Variants in DSTYK observed in about 807,000 individuals in gnomAD.
DSTYK encodes the protein dual serine/threonine and tyrosine protein kinase, also known as RIP-homologous kinase.
In DSTYK, 34 loss-of-function variants were observed where a neutral mutation model predicts 98.7. That is an observed-to-expected ratio of 0.34 (90% CI 0.26 to 0.46). DSTYK has a LOEUF of 0.46. Ranked by LOEUF, DSTYK falls within the 20% of genes least tolerant of loss-of-function variation. The pLI, the probability that DSTYK is intolerant of heterozygous loss-of-function variation, is 1.00. For missense variants in DSTYK, 962 were observed against 1,181.7 expected (o/e 0.81, Z 2.73); for synonymous variants, 462 against 457.3 (o/e 1.01, Z -0.13).
At chr1:205,179,060 T>G (rs1244982597) in intron 2 of DSTYK, among the ~76,000 whole-genome samples, 1 of 151,412 alleles carries the variant, frequency 6.6e-6, no homozygotes, top group African/African-American at 2.4e-5. Flanking sequence ...GCCTGGGAGG[T>G]TGAGGCTGCA....
At chr1:205,176,523 A>C (rs1279844292) in intron 2 of DSTYK, among the ~76,000 whole-genome samples, 1 of 150,118 alleles carries the variant, frequency 6.7e-6, no homozygotes, top group Admixed American at 6.6e-5. Context: ...ATGCAATAGA[A>C]AGGAGCTTGC....
chr1:205,194,813 A>G (rs1043605921), intron 1 of DSTYK, among the ~76,000 whole-genome samples: 1 of 108,486 alleles, frequency 9.2e-6, no homozygotes, highest in Admixed American at 9.9e-5. Flanking sequence ...CCTGTGCCTC[A>G]GCCTCCCAAG....
At position 205,187,719 on chromosome 1, in the gene DSTYK, C is replaced by A; in HGVS notation, c.353G>T (p.Gly118Val). 6.2e-7 allele frequency: 1 copy of A among 1,614,182 alleles called. No individual in the cohort carries two copies. The change falls in exon 2 of 13, where the codon GGC (glycine) becomes GTC (valine). Residue 118 changes from glycine (G) to valine (V), a missense_variant. Transcript: ENST00000367162. ...VDCLPCILIL[G>V]QDCNVKCQLL... The stretch of plus-strand genomic sequence containing the variant: ...CTGGCACTTGACGTTACAATCCTGG[C>A]CGAGGATCAGTATGCAAGGGAGGCA...
intron 3 of DSTYK, among the ~76,000 whole-genome samples, chr1:205,164,401 C>T (rs1377970452): frequency 4.7e-5 from 7 of 149,788 alleles, no homozygotes; most frequent in Admixed American, 3.3e-4. Context: ...AGTGAGACCC[C>T]GTCTCAAAAA....
chr1:205,156,944 G>A (rs978859788), intron 10 of DSTYK, among the ~76,000 whole-genome samples: 7 of 152,146 alleles, frequency 4.6e-5, no homozygotes, highest in African/African-American at 1.7e-4. Flanking sequence ...GTTCTAATGA[G>A]ATCTGATGGT....
chr1:205,155,796 A>C (rs1657541350), intron 10 of DSTYK, among the ~76,000 whole-genome samples: 3 of 152,242 alleles, frequency 2.0e-5, no homozygotes. Context: ...AAATTTCTCC[A>C]GGGCATGTCA....
chr1:205,178,594 G>C (rs1158505755), intron 2 of DSTYK, among the ~76,000 whole-genome samples: 1 of 152,178 alleles, frequency 6.6e-6, no homozygotes, highest in Non-Finnish European at 1.5e-5. Flanking sequence ...GAATTATGAA[G>C]AACGTTCTCT....
At chr1:205,205,454 A>T (rs958279887) in intron 1 of DSTYK, among the ~76,000 whole-genome samples, 49 of 150,716 alleles carry the variant, frequency 3.3e-4, no homozygotes, top group African/African-American at 6.8e-4. Context: ...TATTATTATT[A>T]TTTTTTTTTG....
chr1:205,159,446 T>A, intron 9 of DSTYK, 101 bp downstream of exon 9: 1 of 1,344,070 alleles, frequency 7.4e-7, no homozygotes, highest in Non-Finnish European at 1.0e-6. Context: ...ACTCCAACAA[T>A]CTCTGATGAA....
At chr1:205,195,690 TTATTC>T (rs900657012) in intron 1 of DSTYK, among the ~76,000 whole-genome samples, 1 of 152,208 alleles carries the variant, frequency 6.6e-6, no homozygotes, top group Non-Finnish European at 1.5e-5. Flanking sequence ...CTCTCTAAAG[TTATTC>T]TATGTCAGGA....
At position 205,159,592 on chromosome 1, in the gene DSTYK, G is replaced by T; in HGVS notation, c.2193C>A (p.Leu731=). 6.2e-7 allele frequency: 1 copy of T among 1,612,888 alleles called. No individual in the cohort carries two copies. The highest frequency in any genetic ancestry group is 1.3e-5 in the African/African-American group (1 of 74,782). Residue 731 remains leucine, a synonymous_variant, in exon 9 of 13, where the codon CTC becomes CTA. Transcript: ENST00000367162. The part of the protein sequence containing the change: ...NYGGGSSIAV[L]LIMERLHRDL... ...CCCGGTGTAGCCGCTCCATAATGAG[G>T]AGCACAGCAATGCTGGAGCCACCAC...
chr1:205,183,067 G>GA (rs3076771), intron 2 of DSTYK, among the ~76,000 whole-genome samples: 39,994 of 141,998 alleles, frequency 0.28, 6,020 homozygotes, highest in East Asian at 0.41. Flanking sequence ...GTGTTCACAG[G>GA]AAAAAAAAAA....
intron 2 of DSTYK, among the ~76,000 whole-genome samples, chr1:205,175,328 G>A (rs1658197685): frequency 2.0e-5 from 3 of 151,832 alleles, no homozygotes; most frequent in South Asian, 2.1e-4. Context: ...TCCTGACCTC[G>A]TGATCCGCCT....
chr1:205,204,616 C>T (rs1157761694), intron 1 of DSTYK, among the ~76,000 whole-genome samples: 3 of 152,234 alleles, frequency 2.0e-5, no homozygotes, highest in Admixed American at 6.5e-5. Context: ...ATATAATTCA[C>T]CCCTTTTAAG....
intron 1 of DSTYK, among the ~76,000 whole-genome samples, chr1:205,197,833 C>A (rs921313307): frequency 3.9e-5 from 6 of 152,174 alleles, no homozygotes; most frequent in African/African-American, 1.2e-4. Context: ...GCAGTATAGA[C>A]CAACATGATG....
At position 205,169,136 on chromosome 1, in the gene DSTYK, C is replaced by G. The variant is rs369133816; in HGVS notation, c.1324+27G>C. Reference sequence around the variant, plus strand: ...TGGTTAGAGACTCCTCCCGTGCCAGCACCCCAACAAGCTCTCTGGGACCTA... The same window carrying G: ...TGGTTAGAGACTCCTCCCGTGCCAGGACCCCAACAAGCTCTCTGGGACCTA... On this transcript the variant is annotated intron_variant, in intron 3 of 12. Coordinates refer to ENST00000367162, the MANE Select transcript of DSTYK (RefSeq NM_015375.3). The surrounding 1 kb of genome is among the most constrained non-coding windows in gnomAD (Gnocchi z 4.0). 51 of 1,541,724 alleles carry G rather than the reference C, an allele frequency of 3.3e-5. No individual in the cohort carries two copies. The highest frequency in any genetic ancestry group is 4.4e-6 in the Non-Finnish European group (5 of 1,143,614).
chr1:205,166,240 ACT>A lies in DSTYK; in HGVS notation c.1325-2287_1325-2286del, dbSNP rs139817913. On this transcript the variant is annotated intron_variant, in intron 3 of 12. Coordinates refer to ENST00000367162, the MANE Select transcript of DSTYK (RefSeq NM_015375.3). ...GTGGCTGGGGGATGGTGTCTTTATAACTCTGAGTTAAGTACTATACATATAGG... is the reference window on the plus strand; with the variant it reads ...GTGGCTGGGGGATGGTGTCTTTATAACTGAGTTAAGTACTATACATATAGG... Among the ~76,000 whole-genome samples the A allele has an allele frequency of 4.8e-3, 733 of 152,234 alleles. 4 individuals carry two copies. Among genetic ancestry groups the A allele is most frequent in the African/African-American group, 0.017 (709 of 41,548 alleles).
At chr1:205,156,335 C>G (rs1232908012) in intron 10 of DSTYK, among the ~76,000 whole-genome samples, 1 of 152,216 alleles carries the variant, frequency 6.6e-6, no homozygotes, top group Non-Finnish European at 1.5e-5. Context: ...ACACTCAACA[C>G]CAGCCCATGA....
intron 2 of DSTYK, among the ~76,000 whole-genome samples, chr1:205,180,495 G>A (rs1658365282): frequency 6.6e-6 from 1 of 151,878 alleles, no homozygotes; most frequent in Non-Finnish European, 1.5e-5. Context: ...GTTATTTTTT[G>A]AGACAGAGAC....
Sources: gnomAD v4.1 joint callset for allele counts (sites outside exome capture counted in the v4.1 genomes callset) on GRCh38, gnomAD v4.1.1 for gene constraint, Gnocchi (gnomAD v3.1) non-coding constraint, MANE v1.5 for transcripts, NCBI Gene and HGNC (gene_info 2026-07-23, HGNC 2026-07-21) for gene names.